SLC38A7: variants seen among roughly 807,000 people sequenced by gnomAD.
The protein encoded by SLC38A7 is solute carrier family 38 member 7, also known as sodium-coupled neutral amino acid transporter 7.
Under a neutral mutation model 50.1 loss-of-function variants are expected in SLC38A7, and 29 were observed. The ratio of observed to expected loss-of-function variants is 0.58; its 90% CI spans 0.43 to 0.79. SLC38A7 has a LOEUF of 0.79. Among genes scored for constraint, SLC38A7 ranks in the 30% least tolerant of loss-of-function variants. SLC38A7 has a pLI of 0.00. For synonymous variants in SLC38A7, 244 were observed against 245.9 expected (o/e 0.99, Z 0.07); for missense variants, 483 against 610.6 (o/e 0.79, Z 2.20).
intron 9 of SLC38A7, chr16:58,671,745 T>C (rs979861150): frequency 5.2e-5 from 11 of 211,868 alleles, no homozygotes; most frequent in Non-Finnish European, 1.0e-4. Flanking sequence ...ATTTATTTTA[T>C]TTTGTGTAGA....
In SLC38A7 at chr16:58,667,466, G is replaced by A. The variant is rs374997624; in HGVS notation, c.1308C>T (p.Tyr436=). 79 of 1,612,456 alleles carry A rather than the reference G, an allele frequency of 4.9e-5. No homozygotes were observed. Among genetic ancestry groups the A allele is most frequent in the East Asian group, 1.3e-4 (6 of 44,870 alleles). Residue 436 remains tyrosine, a synonymous_variant, in exon 12 of 12, where the codon TAC becomes TAT. Coordinates refer to ENST00000219320, the MANE Select transcript of SLC38A7 (RefSeq NM_018231.3). ...KPASWWVLVS[Y]GVLLVTLGAF... ...CTCCCAGGGTGACCAAGAGGACTCC[G>A]TAGCTGACCAGCACCCACCAGCTGT...
chr16:58,667,614 C>G (rs138119312), intron 11 of SLC38A7, 127 bp from the exon 12 acceptor site: 13 of 675,540 alleles, frequency 1.9e-5, no homozygotes, highest in Non-Finnish European at 2.8e-5. Flanking sequence ...TTCCTACTTC[C>G]CAAAGACTTC....
rs770086656 is a variant in SLC38A7, at chr16:58,672,128, G to C, written c.999C>G (p.Leu333=). The change falls in exon 9 of 12, where the codon CTC becomes CTG. Residue 333 remains leucine (L), a synonymous_variant. Transcript: ENST00000219320. The part of the protein sequence containing the change: ...VARAFIILSV[L]TSYPILHFCG... ...AGAAGTGCAGGATAGGGTAGGAGGT[G>C]AGCACGCTCAGGATGATGAAGGCTC... The C allele has an allele frequency of 2.0e-5, 31 of 1,560,176 alleles. No homozygotes were observed. Among genetic ancestry groups the C allele is most frequent in the Non-Finnish European group, 2.7e-5 (31 of 1,152,244 alleles).
Sources: allele counts gnomAD v4.1 joint callset, GRCh38; gene constraint gnomAD v4.1.1; transcripts MANE v1.5; gene names NCBI Gene and HGNC (gene_info 2026-07-23, HGNC 2026-07-21).